Variants in TUT1 observed in about 807,000 individuals in gnomAD.
TUT1 encodes speckle targeted PIP5K1A-regulated poly(A) polymerase.
In TUT1, 26 loss-of-function variants were observed where a neutral mutation model predicts 48.8. The observed-to-expected ratio is 0.53, with a 90% CI of 0.39 to 0.74. The LOEUF (loss-of-function observed/expected upper bound fraction) is 0.74, where lower values mean the gene tolerates loss of function less well. Among genes scored for constraint, TUT1 ranks in the 30% least tolerant of loss-of-function variants. The pLI is 0.00. For synonymous variants in TUT1, 470 were observed against 460.8 expected (o/e 1.02, Z -0.26); for missense variants, 1,065 against 1,114.8 (o/e 0.96, Z 0.64).
Position 62,580,028 on chromosome 11 carries a change from A to C in TUT1, c.691-998T>G, listed in dbSNP as rs368657685. ...GGGGGCTTAAACCTGTAATCCCAAC[A>C]ATTTGGGAGAATGAGGCAGGAGGAT... On this transcript the variant is annotated intron_variant, in intron 4 of 8. Coordinates refer to ENST00000476907, the MANE Select transcript of TUT1 (RefSeq NM_022830.3). 2.0e-5 allele frequency among the ~76,000 whole-genome samples: 3 copies of C among 152,114 alleles called. No individual in the cohort carries two copies. In the South Asian group the frequency reaches 6.2e-4, roughly 32 times the overall value.
At chr11:62,585,873 C>A (rs946399319) in intron 2 of TUT1, among the ~76,000 whole-genome samples, 6 of 152,076 alleles carry the variant, frequency 3.9e-5, no homozygotes, top group African/African-American at 1.2e-4. Context: ...CTTTGGGAGG[C>A]CGAGGCAGGC....
Position 62,577,121 on chromosome 11 carries a change from T to C in TUT1, c.1270+61A>G, listed in dbSNP as rs751353085. The C allele has an allele frequency of 4.4e-6, 7 of 1,593,112 alleles. No homozygotes were observed. In the Admixed American group the frequency reaches 8.5e-5, roughly 19 times the overall value. On this transcript the variant is annotated intron_variant, in intron 6 of 8. Transcript: ENST00000476907. ...CCCATTCTGACCTCCCTTCTCTCCC[T>C]GAATCCCTGCCTTTGTCCTGAGACC... is the stretch of plus-strand genomic sequence containing the variant.
chr11:62,591,241 C>T, intron 1 of TUT1, 163 bp downstream of exon 1: 1 of 937,898 alleles, frequency 1.1e-6, no homozygotes, highest in Non-Finnish European at 1.3e-6. Context: ...TGGAACTTTC[C>T]CGACTCTCCA....
chr11:62,582,572 A>G, intron 2 of TUT1: 1 of 455,360 alleles, frequency 2.2e-6, no homozygotes, highest in South Asian at 1.6e-5. Context: ...ACTACACACC[A>G]GCCTGAGAGA....
At chr11:62,579,946 C>T (rs1941798763) in intron 4 of TUT1, among the ~76,000 whole-genome samples, 1 of 151,184 alleles carries the variant, frequency 6.6e-6, no homozygotes, top group Non-Finnish European at 1.5e-5. Context: ...ATTACACAGG[C>T]GTGAACCACC....
chr11:62,590,094 T>G (rs1006742436), intron 1 of TUT1, among the ~76,000 whole-genome samples: 27 of 152,334 alleles, frequency 1.8e-4, no homozygotes, highest in African/African-American at 6.3e-4. Flanking sequence ...CAAAGAAGAC[T>G]CCTAGGTTTC....
Position 62,589,152 on chromosome 11 carries a change from T to C in TUT1, c.152A>G (p.Lys51Arg), listed in dbSNP as rs1241066746. 1.2e-6 allele frequency: 2 copies of C among 1,614,114 alleles called. No individual in the cohort carries two copies. The highest frequency in any genetic ancestry group is 1.3e-5 in the African/African-American group (1 of 74,944). The change falls in exon 2 of 9, where the codon AAG becomes AGG. Residue 51 changes from lysine (K) to arginine (R), a missense_variant. By Grantham distance (26) the Lys-to-Arg change is conservative (BLOSUM62 2). Coordinates refer to ENST00000476907, the MANE Select transcript of TUT1 (RefSeq NM_022830.3). Reference protein sequence around the residue: ...RHLVELRAARKAQGLRSVFVS... With the variant: ...RHLVELRAARRAQGLRSVFVS... ...AAACACACTTCGAAGTCCCTGGGCC[T>C]TTCTCGCAGCTCGTAGTTCTACCAG...
At chr11:62,589,527 G>A (rs927516267) in intron 1 of TUT1, among the ~76,000 whole-genome samples, 6 of 151,892 alleles carry the variant, frequency 4.0e-5, no homozygotes, top group Non-Finnish European at 8.8e-5. Context: ...CCTCAGCCTC[G>A]TGAGTAGGTG....
chr11:62,575,850 C>T lies in TUT1; in HGVS notation c.1869G>A (p.Leu623=). 6.2e-7 allele frequency: 1 copy of T among 1,614,216 alleles called. No individual in the cohort carries two copies. Among genetic ancestry groups the T allele is most frequent in the Non-Finnish European group, 8.5e-7 (1 of 1,180,048 alleles). Residue 623 remains leucine (L), a synonymous_variant, in exon 9 of 9, where the codon CTG becomes CTA. Coordinates refer to ENST00000476907, the MANE Select transcript of TUT1 (RefSeq NM_022830.3). The part of the protein sequence containing the change: ...LAPFTQLTAA[L]VQVFREALGC... ...CCAGTGCTTCCCTGAATACCTGCAC[C>T]AGGGCAGCAGTGAGCTGGGTGAAGG...
Position 62,575,414 on chromosome 11 carries a change from C to T in TUT1, c.2305G>A (p.Ala769Thr). The T allele has an allele frequency of 6.2e-7, 1 of 1,611,918 alleles. No individual in the cohort carries two copies. Among genetic ancestry groups the T allele is most frequent in the Non-Finnish European group, 8.5e-7 (1 of 1,180,000 alleles). The change falls in exon 9 of 9, where the codon GCC becomes ACC. Residue 769 changes from alanine (A) to threonine (T), a missense_variant. Transcript: ENST00000476907. ...SLPSSASWRC[A>T]LWHRVWQGRR... is the part of the protein sequence containing the mutation. Reference sequence around the variant, plus strand: ...CCTTGCCACACTCGGTGCCACAAGGCACAGCGCCAGCTCGCTGAGGAGGGC... The same window carrying T: ...CCTTGCCACACTCGGTGCCACAAGGTACAGCGCCAGCTCGCTGAGGAGGGC...
chr11:62,578,652 G>T lies in TUT1; in HGVS notation c.1069C>A (p.Arg357=). The T allele has an allele frequency of 1.2e-6, 2 of 1,614,230 alleles. No individual in the cohort carries two copies. The highest frequency in any genetic ancestry group is 1.3e-5 in the African/African-American group (1 of 75,062). Residue 357 remains arginine (R), a synonymous_variant, in exon 5 of 9, where the codon CGA becomes AGA. Coordinates refer to ENST00000476907, the MANE Select transcript of TUT1 (RefSeq NM_022830.3). ...CGGGCAGAGGGCACAGTTTGGACTCGATACACCCCAGGGACACAGCCCCGG... is the reference window on the plus strand; with the variant it reads ...CGGGCAGAGGGCACAGTTTGGACTCTATACACCCCAGGGACACAGCCCCGG... ...ILRGCVPGVY[R]VQTVPSARRP...
chr11:62,583,952 A>G (rs766252285), intron 2 of TUT1, among the ~76,000 whole-genome samples: 13 of 152,176 alleles, frequency 8.5e-5, no homozygotes, highest in Non-Finnish European at 1.8e-4. Context: ...ACCTCACACC[A>G]TACATAACAA....
In TUT1 at chr11:62,576,906, C is replaced by T. The variant is rs1941739081; in HGVS notation, c.1381+1G>A. The T allele has an allele frequency of 1.2e-6, 2 of 1,613,766 alleles. No individual in the cohort carries two copies. The highest frequency in any genetic ancestry group is 1.7e-6 in the Non-Finnish European group (2 of 1,179,868). Reference sequence around the variant, plus strand: ...GAGAGGGTGGAGGCTAGGCCGAGTACCTGCTTTCTGGGTGAGCTGGGACAC... The same window carrying T: ...GAGAGGGTGGAGGCTAGGCCGAGTATCTGCTTTCTGGGTGAGCTGGGACAC... On this transcript the variant is annotated splice_donor_variant, in intron 7 of 8. Transcript: ENST00000476907. LOFTEE classifies it high-confidence loss of function.
chr11:62,584,836 T>G (rs969377165), intron 2 of TUT1, among the ~76,000 whole-genome samples: 1 of 151,618 alleles, frequency 6.6e-6, no homozygotes, highest in East Asian at 1.9e-4. Flanking sequence ...TACTTTTTTT[T>G]TTTGAGAAGG....
Position 62,581,696 on chromosome 11 carries a change from C to T in TUT1, c.279G>A (p.Val93=). ...CGTCCCCCATCTCCACAATGGCAAA[C>T]ACTCCCTGGTAAACAACAGGGGCAG... ...ASVVMDKDKG[V]FAIVEMGDVG... The change falls in exon 3 of 9, where the codon GTG becomes GTA. Residue 93 remains valine, a synonymous_variant. Transcript: ENST00000476907. 1 of 1,455,038 alleles carries T rather than the reference C, an allele frequency of 6.9e-7. No individual in the cohort carries two copies. Among genetic ancestry groups the T allele is most frequent in the South Asian group, 1.5e-5 (1 of 67,086 alleles). 90.1% of individuals were successfully genotyped at this position (1,455,038 alleles called of 1,614,324 possible).
intron 1 of TUT1, among the ~76,000 whole-genome samples, chr11:62,590,387 G>A (rs1002563234): frequency 1.3e-5 from 2 of 152,102 alleles, no homozygotes; most frequent in African/African-American, 2.4e-5. Context: ...CTGTAATCCC[G>A]GCACTTTGGG....
intron 5 of TUT1, 84 bp downstream of exon 5, chr11:62,578,471 GGAGGCA>G (rs1436349078): frequency 5.7e-6 from 7 of 1,232,258 alleles, no homozygotes; most frequent in Middle Eastern, 5.0e-4. Context: ...CTTCAACCTG[GGAGGCA>G]GAGGTTGCAG....
chr11:62,578,958 C>T lies in TUT1; in HGVS notation c.763G>A (p.Ala255Thr). The change falls in exon 5 of 9, where the codon GCC (alanine) becomes ACC (threonine). Residue 255 changes from alanine to threonine, a missense_variant. By Grantham distance (58) the Ala-to-Thr change is moderately conservative (BLOSUM62 0). Transcript: ENST00000476907. Reference protein sequence around the residue: ...LASPLDPQALACTPASPPDSQ... With the variant: ...LASPLDPQALTCTPASPPDSQ... Reference sequence around the variant, plus strand: ...TCTGGAGGGGAAGCTGGGGTGCAGGCCAGGGCTTGAGGGTCCAGTGGGGAA... The same window carrying T: ...TCTGGAGGGGAAGCTGGGGTGCAGGTCAGGGCTTGAGGGTCCAGTGGGGAA... The T allele has an allele frequency of 6.5e-7, 1 of 1,544,160 alleles. No individual in the cohort carries two copies. The highest frequency in any genetic ancestry group is 1.3e-5 in the South Asian group (1 of 78,968).
At position 62,575,159 on chromosome 11, in the gene TUT1, G is replaced by A. The variant is rs149939399; in HGVS notation, c.2560C>T (p.Leu854=). Residue 854 remains leucine (L), a synonymous_variant, in exon 9 of 9, where the codon CTG becomes TTG. Coordinates refer to ENST00000476907, the MANE Select transcript of TUT1 (RefSeq NM_022830.3). ...TVTPLQDPQG[L]FPDLHHFLQV... The stretch of plus-strand genomic sequence containing the variant: ...AAGAAATGATGGAGATCAGGGAACA[G>A]GCCTTGGGGATCCTGGAGCGGGGTC... The A allele has an allele frequency of 3.6e-3, 5,837 of 1,605,830 alleles. 15 individuals carry two copies. Among genetic ancestry groups the A allele is most frequent in the Non-Finnish European group, 4.6e-3 (5,411 of 1,173,986 alleles).
Sources: allele counts gnomAD v4.1 joint callset (sites outside exome capture counted in the v4.1 genomes callset), GRCh38; gene constraint gnomAD v4.1.1; transcripts MANE v1.5; gene names NCBI Gene and HGNC (gene_info 2026-07-23, HGNC 2026-07-21).